OLFM2: variants seen among roughly 807,000 people sequenced by gnomAD.
The protein encoded by OLFM2 is noelin-2.
In OLFM2, 20 loss-of-function variants were observed where a neutral mutation model predicts 43.9. The ratio of observed to expected loss-of-function variants is 0.46; its 90% confidence interval spans 0.32 to 0.66. The LOEUF (loss-of-function observed/expected upper bound fraction) is 0.66, where lower values mean the gene tolerates loss of function less well. Among genes scored for constraint, OLFM2 ranks in the 30% least tolerant of loss-of-function variants. The probability of loss-of-function intolerance (pLI) is 0.04; values close to 1 mark genes in which losing one functional copy is unlikely to be tolerated. For missense variants in OLFM2, 416 were observed against 643.6 expected, an observed-to-expected ratio of 0.65 and a Z score of 3.83; for synonymous variants, 268 against 278.6, an observed-to-expected ratio of 0.96 and a Z score of 0.38.
intron 1 of OLFM2, among the ~76,000 whole-genome samples, chr19:9,885,647 G>A (rs1281218628): frequency 1.3e-5 from 2 of 152,174 alleles, no homozygotes; most frequent in Admixed American, 1.3e-4. Flanking sequence ...TGATGCAGGG[G>A]TAAAAAGCCC....
At position 9,883,028 on chromosome 19, in the gene OLFM2, A is replaced by G. The variant is rs768051199; in HGVS notation, c.64-22234T>C. ...AGCCTGGCCAGCATGGTGAAACCCC[A>G]TCTCTACTAAAAAAAAAAAAATACA... On this transcript the variant is annotated intron_variant, in intron 1 of 5. Transcript: ENST00000264833. Among the ~76,000 whole-genome samples the G allele has an allele frequency of 7.9e-4, 94 of 119,442 alleles. 1 individual carries two copies. In the Admixed American group the frequency reaches 9.4e-3, roughly 12 times the overall value. The allele number at this position is 119,442 out of a possible 152,430, so 78.4% of individuals were successfully genotyped here.
chr19:9,860,134 T>G (rs2046355962), intron 2 of OLFM2, among the ~76,000 whole-genome samples: 1 of 141,272 alleles, frequency 7.1e-6, no homozygotes. Context: ...GGCGACAGAG[T>G]GAGACTGTCT....
chr19:9,902,218 C>T (rs1463331102), intron 1 of OLFM2, among the ~76,000 whole-genome samples: 2 of 150,664 alleles, frequency 1.3e-5, no homozygotes, highest in Admixed American at 6.7e-5. Context: ...TTAGTAGAGG[C>T]GGGGTTTCAC....
chr19:9,857,864 A>G lies in OLFM2; in HGVS notation c.214-3T>C, dbSNP rs750646155. ...ATGGACTGGGAGACGTTCTGGACCT[A>G]GGAATGGGGACAACTGAAGGGACCA... is the stretch of plus-strand genomic sequence containing the variant. On this transcript the variant is annotated splice_region_variant and splice_polypyrimidine_tract_variant and intron_variant, in intron 2 of 5. Transcript: ENST00000264833. This position sits in a 1 kb window ranked among gnomAD's most constrained non-coding sequence, Gnocchi z 5.7. 3.1e-6 allele frequency: 5 copies of G among 1,613,956 alleles called. No individual in the cohort carries two copies. The South Asian group carries it at 5.5e-5, about 18-fold the overall frequency.
rs1000068125 is a variant in OLFM2 at position 9,853,803 on chromosome 19, CTGGGGG to C, written c.*377_*382del. ...AGAAACAGATCCATGCACTCAACTCCTGGGGGTGGGGGTGGGGGTGGGAGTGAGGGA... is the reference window on the plus strand; with the variant it reads ...AGAAACAGATCCATGCACTCAACTCCTGGGGGTGGGGGTGGGAGTGAGGGA... On this transcript the variant is annotated 3_prime_UTR_variant, in exon 6 of 6. Coordinates refer to ENST00000264833, the MANE Select transcript of OLFM2 (RefSeq NM_058164.4). 1.1e-5 allele frequency: 4 copies of C among 350,778 alleles called. No individual in the cohort carries two copies. Among genetic ancestry groups the C allele is most frequent in the Admixed American group, 1.4e-4 (2 of 14,464 alleles). 21.7% of individuals were successfully genotyped at this position (350,778 alleles called of 1,614,324 possible). A position where few individuals can be genotyped will look rare whatever the true frequency, so the allele number is the denominator to read the frequency against.
chr19:9,929,778 GC>G (rs2086472025), intron 1 of OLFM2, among the ~76,000 whole-genome samples: 2 of 150,814 alleles, frequency 1.3e-5, no homozygotes, highest in Non-Finnish European at 3.0e-5. Context: ...GGTGGCTCAC[GC>G]CTGTAATCCC....
intron 1 of OLFM2, among the ~76,000 whole-genome samples, chr19:9,913,999 G>A (rs1045639253): frequency 6.7e-6 from 1 of 148,594 alleles, no homozygotes; most frequent in Non-Finnish European, 1.5e-5. Flanking sequence ...CTCTCCATGG[G>A]GTGGGGGACC....
Position 9,854,273 on chromosome 19 carries a change from C to T in OLFM2, c.1278G>A (p.Glu426=), listed in dbSNP as rs778641781. 3 of 1,614,116 alleles carry T rather than the reference C, an allele frequency of 1.9e-6. No homozygotes were observed. Among genetic ancestry groups the T allele is most frequent in the Non-Finnish European group, 1.7e-6 (2 of 1,180,020 alleles). ...HISMLDYNPR[E]RALYTWNNGH... ...CGTTGTTCCAGGTATAGAGGGCGCG[C>T]TCCCGGGGGTTGTAATCCAGCATCG... Residue 426 remains glutamate, a synonymous_variant, in exon 6 of 6, where the codon GAG becomes GAA. Coordinates refer to ENST00000264833, the MANE Select transcript of OLFM2 (RefSeq NM_058164.4). This position sits in a 1 kb window ranked among gnomAD's most constrained non-coding sequence, Gnocchi z 9.5.
intron 1 of OLFM2, among the ~76,000 whole-genome samples, chr19:9,900,142 G>A (rs903631210): frequency 6.6e-5 from 10 of 152,050 alleles, no homozygotes; most frequent in Admixed American, 1.3e-4. Context: ...TCCCTGGGCC[G>A]GTTAGGAGGC....
intron 1 of OLFM2, among the ~76,000 whole-genome samples, chr19:9,880,997 A>G (rs1298353005): frequency 6.6e-6 from 1 of 152,140 alleles, no homozygotes; most frequent in Non-Finnish European, 1.5e-5. Flanking sequence ...TCCCAGGTTC[A>G]AGCAATTCTC....
intron 1 of OLFM2, among the ~76,000 whole-genome samples, chr19:9,933,870 C>T (rs1259125711): frequency 1.3e-5 from 2 of 152,106 alleles, no homozygotes; most frequent in South Asian, 2.1e-4. Flanking sequence ...GTCTAATCTT[C>T]TATACTTTAT....
intron 1 of OLFM2, among the ~76,000 whole-genome samples, chr19:9,873,470 T>C (rs1599472905): frequency 6.6e-6 from 1 of 152,026 alleles, no homozygotes; most frequent in East Asian, 1.9e-4. Context: ...TTTGGTTTTT[T>C]AAGAGACAGG....
At chr19:9,888,249 G>T (rs1452186113) in intron 1 of OLFM2, among the ~76,000 whole-genome samples, 1 of 152,066 alleles carries the variant, frequency 6.6e-6, no homozygotes, top group African/African-American at 2.4e-5. Context: ...CTGGCCTGGC[G>T]CAGTGGCTCA....
chr19:9,885,793 T>G (rs2081058), intron 1 of OLFM2, among the ~76,000 whole-genome samples: 121,762 of 151,990 alleles, frequency 0.8, 49,444 homozygotes, highest in Non-Finnish European at 0.86. Context: ...ACCCCTGCCC[T>G]GACTTTCAAT....
chr19:9,922,933 AAAAAG>A (rs1001827349), intron 1 of OLFM2, among the ~76,000 whole-genome samples: 105 of 152,046 alleles, frequency 6.9e-4, no homozygotes, highest in African/African-American at 2.4e-3. Context: ...AAAGAAAGAA[AAAAAG>A]AAAAGAAAAG....
chr19:9,888,225 A>G (rs762438270), intron 1 of OLFM2, among the ~76,000 whole-genome samples: 55 of 152,044 alleles, frequency 3.6e-4, no homozygotes, highest in Non-Finnish European at 6.9e-4. Flanking sequence ...CATTGTCTCA[A>G]AAGACCCTCC....
intron 1 of OLFM2, among the ~76,000 whole-genome samples, chr19:9,934,013 G>C (rs184555823): frequency 2.6e-5 from 4 of 152,036 alleles, no homozygotes; most frequent in African/African-American, 9.7e-5. Flanking sequence ...TGATGACTCA[G>C]TTGGTGGCTG....
At chr19:9,918,792 T>C (rs992389657) in intron 1 of OLFM2, among the ~76,000 whole-genome samples, 34 of 152,164 alleles carry the variant, frequency 2.2e-4, no homozygotes, top group Admixed American at 1.3e-4. Context: ...ATGATTCTAT[T>C]TATACATAAT....
chr19:9,934,972 C>G (rs150918700), intron 1 of OLFM2, among the ~76,000 whole-genome samples: 51 of 152,320 alleles, frequency 3.3e-4, no homozygotes, highest in African/African-American at 1.1e-3. Flanking sequence ...AATGTCTTCA[C>G]GGACGCTGTC....
Sources: gnomAD v4.1 joint callset for allele counts (sites outside exome capture counted in the v4.1 genomes callset) on GRCh38, gnomAD v4.1.1 for gene constraint, Gnocchi (gnomAD v3.1) non-coding constraint, MANE v1.5 for transcripts, NCBI Gene and HGNC (gene_info 2026-07-23, HGNC 2026-07-21) for gene names.